Variants in CPXM2 observed in about 807,000 individuals in gnomAD.
The protein encoded by CPXM2 is inactive carboxypeptidase-like protein X2.
A neutral mutation model predicts 86.1 loss-of-function variants in CPXM2; 66 were observed. The observed-to-expected ratio is 0.77, with a 90% CI of 0.63 to 0.94. The LOEUF (loss-of-function observed/expected upper bound fraction) is 0.94. Ranked by LOEUF, CPXM2 falls within the 40% of genes least tolerant of loss-of-function variation. The probability of loss-of-function intolerance (pLI) is 0.00; values close to 1 mark genes in which losing one functional copy is unlikely to be tolerated. For synonymous variants in CPXM2, 388 were observed against 400.2 expected (o/e 0.97, Z 0.36); for missense variants, 948 against 1,026.3 (o/e 0.92, Z 1.04).
intron 4 of CPXM2, among the ~76,000 whole-genome samples, chr10:123,830,434 AG>A (rs1848139888): frequency 1.3e-5 from 2 of 152,244 alleles, no homozygotes; most frequent in African/African-American, 4.8e-5. Context: ...GCAAGTGGGC[AG>A]AGTCAGTCAC....
At chr10:123,793,410 C>T (rs1389351922) in intron 6 of CPXM2, among the ~76,000 whole-genome samples, 1 of 146,334 alleles carries the variant, frequency 6.8e-6, no homozygotes, top group Non-Finnish European at 1.5e-5. Flanking sequence ...TTGCAGTGAG[C>T]CCAGACCACG....
At chr10:123,757,633 T>A (rs1256720796) in intron 11 of CPXM2, among the ~76,000 whole-genome samples, 1 of 152,200 alleles carries the variant, frequency 6.6e-6, no homozygotes, top group African/African-American at 2.4e-5. Context: ...GCTATTTAGA[T>A]AAAATACTTT....
At chr10:123,818,254 C>G (rs113461961) in intron 4 of CPXM2, among the ~76,000 whole-genome samples, 1 of 152,074 alleles carries the variant, frequency 6.6e-6, no homozygotes, top group African/African-American at 2.4e-5. Context: ...CCAATGGGCC[C>G]GTGAACAAAG....
intron 2 of CPXM2, among the ~76,000 whole-genome samples, chr10:123,875,817 T>TTTTTC (rs1355494329): frequency 7.0e-6 from 1 of 142,624 alleles, no homozygotes; most frequent in Non-Finnish European, 1.5e-5. Flanking sequence ...CTTTTTTTTT[T>TTTTTC]TTTTTTTTTT....
rs1048926421 is a variant in CPXM2 at position 123,934,654 on chromosome 10, A to T, written n.174+4823T>A. On this transcript the variant is annotated intron_variant and non_coding_transcript_variant, in intron 2 of 19. Coordinates refer to the CPXM2 transcript ENST00000368854. ...CCCACTGTAAACCCCAAGAGAAGGAAGGCACTCTGCGAACCACGCACCAGG... is the reference window on the plus strand; with the variant it reads ...CCCACTGTAAACCCCAAGAGAAGGATGGCACTCTGCGAACCACGCACCAGG... Among the ~76,000 whole-genome samples the T allele has an allele frequency of 4.6e-5, 7 of 152,226 alleles. No homozygotes were observed. In the Middle Eastern group the frequency reaches 0.014, roughly 296 times the overall value.
At chr10:123,768,251 G>A (rs11815894) in intron 9 of CPXM2, among the ~76,000 whole-genome samples, 50,883 of 151,736 alleles carry the variant, frequency 0.34, 9,574 homozygotes, top group East Asian at 0.62. Flanking sequence ...GGTGGCTGGC[G>A]GCCGTAATCC....
intron 4 of CPXM2, among the ~76,000 whole-genome samples, chr10:123,799,566 C>G (rs1054166348): frequency 3.9e-5 from 6 of 152,194 alleles, no homozygotes; most frequent in Non-Finnish European, 8.8e-5. Flanking sequence ...CTACATCACA[C>G]CCAAGAAGCT....
chr10:123,776,289 T>C (rs1329136853), intron 7 of CPXM2, among the ~76,000 whole-genome samples: 1 of 152,136 alleles, frequency 6.6e-6, no homozygotes, highest in Admixed American at 6.5e-5. Context: ...AGAAATACCA[T>C]CTTAGAAAGC....
chr10:123,815,934 A>G (rs1847805108), intron 4 of CPXM2, among the ~76,000 whole-genome samples: 1 of 152,200 alleles, frequency 6.6e-6, no homozygotes, highest in Admixed American at 6.5e-5. Flanking sequence ...TTGGGCCACT[A>G]AGTGGGGACT....
intron 7 of CPXM2, among the ~76,000 whole-genome samples, chr10:123,771,992 G>A (rs567403488): frequency 6.6e-6 from 1 of 152,302 alleles, no homozygotes; most frequent in South Asian, 2.1e-4. Flanking sequence ...TTTCTTCATA[G>A]CAGCATGAGA....
intron 2 of CPXM2, among the ~76,000 whole-genome samples, chr10:123,924,098 C>G (rs1443125443): frequency 1.3e-5 from 2 of 152,188 alleles, no homozygotes; most frequent in African/African-American, 4.8e-5. Context: ...TCTTTCTACA[C>G]TCTCACACAC....
At chr10:123,841,302 T>C (rs1307732770) in intron 4 of CPXM2, among the ~76,000 whole-genome samples, 1 of 152,200 alleles carries the variant, frequency 6.6e-6, no homozygotes, top group East Asian at 1.9e-4. Flanking sequence ...CAACCAGCCC[T>C]GAGCCGCCGC....
intron 3 of CPXM2, among the ~76,000 whole-genome samples, chr10:123,856,212 C>T (rs1320922407): frequency 6.6e-6 from 1 of 152,226 alleles, no homozygotes; most frequent in African/African-American, 2.4e-5. Flanking sequence ...CCCAACCACA[C>T]ACTTGGTGTT....
intron 7 of CPXM2, among the ~76,000 whole-genome samples, chr10:123,779,665 GAAT>G (rs1201538560): frequency 2.0e-5 from 3 of 152,108 alleles, no homozygotes; most frequent in South Asian, 4.1e-4. Context: ...CTGAGAAACT[GAAT>G]AATAAGGGGT....
At chr10:123,900,879 C>A (rs1945375801) in intron 2 of CPXM2, among the ~76,000 whole-genome samples, 2 of 152,156 alleles carry the variant, frequency 1.3e-5, no homozygotes, top group African/African-American at 4.8e-5. Flanking sequence ...GCAAAACCAA[C>A]CTAACAGATT....
intron 2 of CPXM2, among the ~76,000 whole-genome samples, chr10:123,928,336 A>T (rs1194037760): frequency 6.6e-6 from 1 of 152,208 alleles, no homozygotes; most frequent in Non-Finnish European, 1.5e-5. Flanking sequence ...CTGTTTCTGT[A>T]TTTTGAGATG....
chr10:123,843,494 C>T (rs577728430), intron 3 of CPXM2, among the ~76,000 whole-genome samples: 8 of 135,938 alleles, frequency 5.9e-5, no homozygotes, highest in Non-Finnish European at 7.6e-5. Flanking sequence ...AGTGCAGTGG[C>T]GCCATCTCAG....
At chr10:123,770,356 T>C (rs1031010213) in intron 8 of CPXM2, among the ~76,000 whole-genome samples, 13 of 152,182 alleles carry the variant, frequency 8.5e-5, no homozygotes, top group African/African-American at 3.1e-4. Context: ...CCCTGATGAA[T>C]GTTAAAGTAA....
At position 123,903,547 on chromosome 10, in the gene CPXM2, C is replaced by T. The variant is rs867615432; in HGVS notation, n.175-23238G>A. Reference sequence around the variant, plus strand: ...ATCTGGGGTACCCACCTGTCCTGTCCCGCCACCTTTGCCATCTCCAGCCAG... The same window carrying T: ...ATCTGGGGTACCCACCTGTCCTGTCTCGCCACCTTTGCCATCTCCAGCCAG... On this transcript the variant is annotated intron_variant and non_coding_transcript_variant, in intron 2 of 19. Coordinates refer to the CPXM2 transcript ENST00000368854. 3.3e-5 allele frequency among the ~76,000 whole-genome samples: 5 copies of T among 152,234 alleles called. No homozygotes were observed. The South Asian group carries it at 6.2e-4, about 19-fold the overall frequency.
Sources: gnomAD v4.1 joint callset for allele counts (sites outside exome capture counted in the v4.1 genomes callset) on GRCh38, gnomAD v4.1.1 for gene constraint, MANE v1.5 for transcripts, NCBI Gene and HGNC (gene_info 2026-07-23, HGNC 2026-07-21) for gene names.